The following DCAF6 variants were observed in gnomAD, a reference collection of about 807,000 sequenced individuals.
The protein encoded by DCAF6 is DDB1 and CUL4 associated factor 6, also known as DDB1- and CUL4-associated factor 6.
In DCAF6, 54 loss-of-function variants were observed where a neutral mutation model predicts 125.1. The observed-to-expected ratio is 0.43, with a 90% confidence interval of 0.35 to 0.54. DCAF6 has a LOEUF of 0.54. Ranked by LOEUF, DCAF6 falls within the 20% of genes least tolerant of loss-of-function variation. The pLI is 0.01. For synonymous variants in DCAF6, 371 were observed against 390.4 expected (o/e 0.95, Z 0.58); for missense variants, 934 against 1,161.7 (o/e 0.80, Z 2.85).
At position 168,004,580 on chromosome 1, in the gene DCAF6, A is replaced by G; in HGVS notation, c.1165A>G (p.Ser389Gly). Residue 389 changes from serine to glycine, a missense_variant, in exon 10 of 22, where the codon AGT becomes GGT. By Grantham distance (56) the Ser-to-Gly change is moderately conservative (BLOSUM62 0). Transcript: ENST00000367840. Reference protein sequence around the residue: ...DISTLPTVPSSPDLEVSETAM... With the variant: ...DISTLPTVPSGPDLEVSETAM... The stretch of plus-strand genomic sequence containing the variant: ...TTCAACTCTTCCTACGGTCCCATCA[A>G]GTCCTGATTTGGAAGTGAGTGAAAC... 1 of 1,612,264 alleles carries G rather than the reference A, an allele frequency of 6.2e-7. No homozygotes were observed. The highest frequency in any genetic ancestry group is 8.5e-7 in the Non-Finnish European group (1 of 1,178,958).
Position 167,973,870 on chromosome 1 carries a change from A to C in DCAF6, c.253-960A>C, listed in dbSNP as rs375927038. ...AATCTTTGACATTTTTTTTGGTCTT[A>C]TTGGAAGCATATCTTTGGGGTAAAT... is the stretch of plus-strand genomic sequence containing the variant. On this transcript the variant is annotated intron_variant, in intron 3 of 21. Transcript: ENST00000367840. Among the ~76,000 whole-genome samples the C allele has an allele frequency of 7.8e-4, 119 of 152,108 alleles. 1 individual carries two copies. In the South Asian group the frequency reaches 0.023, roughly 29 times the overall value.
At chr1:167,889,963 T>C in the DCAF6 span, among the ~76,000 whole-genome samples, 1 of 152,236 alleles carries the variant, frequency 6.6e-6, no homozygotes, top group Non-Finnish European at 1.5e-5. Flanking sequence ...TTCTAAATTC[T>C]TTCTCTGTGT....
intron 7 of DCAF6, among the ~76,000 whole-genome samples, chr1:167,995,259 A>G (rs1169664852): frequency 6.6e-6 from 1 of 152,250 alleles, no homozygotes; most frequent in Non-Finnish European, 1.5e-5. Context: ...TACTTAGCCA[A>G]AAGATATTTA....
chr1:168,045,008 A>T lies in DCAF6; in HGVS notation c.2039A>T (p.Glu680Val). ...GTTCCAGAAGAATCTGCTTCATCTGAAAAAGCCAAGGAACCAGAAACTTCA... is the reference window on the plus strand; with the variant it reads ...GTTCCAGAAGAATCTGCTTCATCTGTAAAAGCCAAGGAACCAGAAACTTCA... ...CGVPEESASS[E>V]KAKEPETSDQ... The change falls in exon 16 of 22, where the codon GAA (glutamate) becomes GTA (valine). Residue 680 changes from glutamate (E) to valine (V), a missense_variant. Transcript: ENST00000367840. The T allele has an allele frequency of 6.2e-7, 1 of 1,614,098 alleles. No individual in the cohort carries two copies. Among genetic ancestry groups the T allele is most frequent in the Non-Finnish European group, 8.5e-7 (1 of 1,179,962 alleles).
intron 4 of DCAF6, among the ~76,000 whole-genome samples, chr1:167,976,057 A>G (rs917721147): frequency 2.6e-4 from 40 of 151,756 alleles, no homozygotes; most frequent in African/African-American, 9.7e-4. Flanking sequence ...TTTACTGGAG[A>G]TTTATGAATT....
chr1:167,986,770 C>T (rs1680065302), intron 4 of DCAF6, among the ~76,000 whole-genome samples: 1 of 152,188 alleles, frequency 6.6e-6, no homozygotes, highest in Admixed American at 6.5e-5. Context: ...CACTTCCTAA[C>T]AGGCTACGGA....
At chr1:168,008,830 C>T (rs997447128) in intron 10 of DCAF6, among the ~76,000 whole-genome samples, 2 of 145,346 alleles carry the variant, frequency 1.4e-5, no homozygotes, top group African/African-American at 2.5e-5. Flanking sequence ...CAAATTCTGC[C>T]CTGCCCTGCC....
chr1:167,977,682 CATT>C, intron 4 of DCAF6, among the ~76,000 whole-genome samples: 1 of 152,184 alleles, frequency 6.6e-6, no homozygotes, highest in South Asian at 2.1e-4. Context: ...TTTACTACTT[CATT>C]ATTCTCTCCA....
chr1:167,929,695 C>T, the DCAF6 span, among the ~76,000 whole-genome samples: 2 of 152,132 alleles, frequency 1.3e-5, no homozygotes, highest in Non-Finnish European at 2.9e-5. Flanking sequence ...AAGTAGGCCA[C>T]CTATCGTATA....
intron 4 of DCAF6, among the ~76,000 whole-genome samples, chr1:167,977,377 A>G (rs1678415227): frequency 6.7e-6 from 1 of 150,130 alleles, no homozygotes; most frequent in African/African-American, 2.5e-5. Flanking sequence ...CATGGATTTC[A>G]TTTGATAGTT....
chr1:167,925,444 T>TATATATATATATAC, the DCAF6 span, among the ~76,000 whole-genome samples: 1 of 71,652 alleles, frequency 1.4e-5, no homozygotes, highest in Non-Finnish European at 3.1e-5. Context: ...CATATACACA[T>TATATATATATATAC]ATATATATAT....
At chr1:167,989,057 G>C (rs1680435644) in intron 5 of DCAF6, among the ~76,000 whole-genome samples, 1 of 152,026 alleles carries the variant, frequency 6.6e-6, no homozygotes, top group African/African-American at 2.4e-5. Context: ...TCCAGCTCGG[G>C]TGACACTGCG....
chr1:168,055,055 A>G (rs183814940), intron 17 of DCAF6, among the ~76,000 whole-genome samples: 2 of 152,292 alleles, frequency 1.3e-5, no homozygotes, highest in East Asian at 3.9e-4. Flanking sequence ...CAGAATTATA[A>G]TGAGCATTTC....
chr1:168,073,040 G>A (rs76107581), intron 21 of DCAF6, among the ~76,000 whole-genome samples: 4,402 of 152,222 alleles, frequency 0.029, 221 homozygotes, highest in African/African-American at 0.1. Context: ...GCCGGGTGTG[G>A]TGGCACGCTC....
intron 2 of DCAF6, among the ~76,000 whole-genome samples, chr1:167,953,454 GC>G (rs1325014078): frequency 3.3e-5 from 5 of 151,852 alleles, no homozygotes; most frequent in Admixed American, 2.0e-4. Flanking sequence ...CTACACTTTT[GC>G]CCCCCTGCCT....
At position 167,993,277 on chromosome 1, in the gene DCAF6, C is replaced by G; in HGVS notation, c.740C>G (p.Ser247Cys). The G allele has an allele frequency of 6.2e-7, 1 of 1,614,076 alleles. No individual in the cohort carries two copies. ...GGAATGGTTGCCCGTTTTATTCCTT[C>G]CCATCTTAATAATAAGTCCTGCAGA... ...TTGMVARFIP[S>C]HLNNKSCRVT... The change falls in exon 7 of 22, where the codon TCC becomes TGC. Residue 247 changes from serine (S) to cysteine (C), a missense_variant. By Grantham distance (112) the Ser-to-Cys change is moderately radical. Coordinates refer to ENST00000367840, the MANE Select transcript of DCAF6 (RefSeq NM_001198956.2).
At chr1:167,901,971 T>A in the DCAF6 span, 6 of 1,611,390 alleles carry the variant, frequency 3.7e-6, no homozygotes, top group Non-Finnish European at 5.1e-6. Context: ...CACAGGCACC[T>A]CAGCACTCCT....
At chr1:167,911,816 ATTG>A in the DCAF6 span, among the ~76,000 whole-genome samples, 2 of 152,192 alleles carry the variant, frequency 1.3e-5, no homozygotes, top group Admixed American at 6.5e-5. Flanking sequence ...GAATTAGATG[ATTG>A]TTAAGATTCT....
the DCAF6 span, among the ~76,000 whole-genome samples, chr1:167,884,634 C>T: frequency 1.3e-5 from 2 of 151,992 alleles, no homozygotes; most frequent in African/African-American, 4.8e-5. Flanking sequence ...CCCCCACTAC[C>T]CTTCCCAGCC....
Sources: allele counts gnomAD v4.1 joint callset (sites outside exome capture counted in the v4.1 genomes callset), GRCh38; gene constraint gnomAD v4.1.1; transcripts MANE v1.5; gene names NCBI Gene and HGNC (gene_info 2026-07-23, HGNC 2026-07-21).